The following LRRC37A2 variants were observed in gnomAD, a reference collection of about 807,000 sequenced individuals.
LRRC37A2 encodes leucine rich repeat containing 37 member A2.
A neutral mutation model predicts 68.8 loss-of-function variants in LRRC37A2; 9 were observed. The observed-to-expected ratio is 0.13, with a 90% CI of 0.08 to 0.23. The LOEUF (loss-of-function observed/expected upper bound fraction) is 0.23, where lower values mean the gene tolerates loss of function less well. LRRC37A2 is among the 10% of genes least tolerant of loss of function. The pLI, the probability that LRRC37A2 is intolerant of heterozygous loss-of-function variation, is 1.00. For synonymous variants in LRRC37A2, 63 were observed against 367.6 expected (o/e 0.17, Z 9.48); for missense variants, 168 against 950.4 (o/e 0.18, Z 10.82).
the LRRC37A2 span, chr17:46,773,737 G>A: frequency 1.9e-5 from 30 of 1,601,696 alleles, no homozygotes; most frequent in Non-Finnish European, 7.7e-6. Flanking sequence ...CGGCGGCCCC[G>A]GAACTGGTGC....
At chr17:46,865,420 G>T in the LRRC37A2 span, among the ~76,000 whole-genome samples, 1 of 152,130 alleles carries the variant, frequency 6.6e-6, no homozygotes, top group Non-Finnish European at 1.5e-5. Flanking sequence ...GATGGGTGGG[G>T]GACGAGGCTG....
At chr17:46,941,980 A>T in the LRRC37A2 span, 1 of 983,736 alleles carries the variant, frequency 1.0e-6, no homozygotes, top group Non-Finnish European at 1.2e-6. Flanking sequence ...AAAGAGCAAA[A>T]CTTGTTAAGT....
At chr17:46,981,275 A>G in the LRRC37A2 span, among the ~76,000 whole-genome samples, 1 of 96,890 alleles carries the variant, frequency 1.0e-5, no homozygotes, top group African/African-American at 4.6e-5. Context: ...CCCCAAGTTC[A>G]TCTGTTGAAA....
the LRRC37A2 span, among the ~76,000 whole-genome samples, chr17:46,461,463 T>C: frequency 0.019 from 1,961 of 100,706 alleles, 39 homozygotes; most frequent in East Asian, 0.13. Flanking sequence ...TGTGGTTACC[T>C]ATGGGGAAAG....
chr17:47,000,018 TA>T, the LRRC37A2 span, among the ~76,000 whole-genome samples: 46,946 of 74,006 alleles, frequency 0.63, 14,424 homozygotes, highest in South Asian at 0.75. Flanking sequence ...TAAAATAAAA[TA>T]AAATAAAATA....
chr17:46,808,513 C>T, the LRRC37A2 span, among the ~76,000 whole-genome samples: 80 of 152,294 alleles, frequency 5.3e-4, no homozygotes, highest in African/African-American at 1.9e-3. Context: ...GCTTTAGGTC[C>T]AACAGGGTGT....
the LRRC37A2 span, chr17:46,935,289 C>T: frequency 9.5e-6 from 15 of 1,580,650 alleles, no homozygotes; most frequent in African/African-American, 9.5e-5. Flanking sequence ...GATGACAAGA[C>T]AGAGCCCTTG....
At chr17:46,407,563 ACT>A in the LRRC37A2 span, among the ~76,000 whole-genome samples, 1 of 90,550 alleles carries the variant, frequency 1.1e-5, no homozygotes, top group Non-Finnish European at 2.5e-5. Context: ...ACACAGCGAG[ACT>A]CTGTCTCAAA....
At chr17:46,648,349 AT>A in the LRRC37A2 span, among the ~76,000 whole-genome samples, 1 of 125,630 alleles carries the variant, frequency 8.0e-6, no homozygotes, top group Non-Finnish European at 1.5e-5. Context: ...ATAAATTGTA[AT>A]TTTTTTAACC....
chr17:46,714,524 A>G, the LRRC37A2 span, among the ~76,000 whole-genome samples: 2 of 152,206 alleles, frequency 1.3e-5, no homozygotes, highest in South Asian at 2.1e-4. Flanking sequence ...CTTAATTAAC[A>G]TGGCCACTTT....
chr17:47,040,293 C>A, the LRRC37A2 span, among the ~76,000 whole-genome samples: 5 of 150,256 alleles, frequency 3.3e-5, no homozygotes, highest in South Asian at 4.2e-4. Flanking sequence ...ATAAAAAAAT[C>A]TTTGTCTAGT....
intron 11 of LRRC37A2, among the ~76,000 whole-genome samples, chr17:46,550,917 G>A (rs1186447379): frequency 6.7e-6 from 1 of 148,362 alleles, no homozygotes; most frequent in Non-Finnish European, 1.5e-5. Flanking sequence ...CCCTGGAGAG[G>A]AAGGAGAGAG....
chr17:46,940,647 C>T, the LRRC37A2 span: 2 of 1,613,758 alleles, frequency 1.2e-6, no homozygotes, highest in Admixed American at 3.3e-5. Context: ...AGGCAGAAGT[C>T]CCCGCACCCA....
chr17:46,796,727 G>C, the LRRC37A2 span, among the ~76,000 whole-genome samples: 1 of 152,208 alleles, frequency 6.6e-6, no homozygotes, highest in East Asian at 1.9e-4. Flanking sequence ...CAAGATGAGC[G>C]GTGCCTGATC....
the LRRC37A2 span, among the ~76,000 whole-genome samples, chr17:47,001,344 C>T: frequency 6.6e-6 from 1 of 152,096 alleles, no homozygotes; most frequent in Admixed American, 6.6e-5. Context: ...CACAGCACGC[C>T]GGCCTGAAAA....
At chr17:46,914,446 C>T in the LRRC37A2 span, among the ~76,000 whole-genome samples, 3 of 151,804 alleles carry the variant, frequency 2.0e-5, no homozygotes, top group East Asian at 3.9e-4. Context: ...GTCAGGAGTT[C>T]GAGACCAGCC....
chr17:46,850,450 C>T, the LRRC37A2 span, among the ~76,000 whole-genome samples: 29,884 of 152,070 alleles, frequency 0.2, 3,605 homozygotes, highest in East Asian at 0.5. Context: ...CCAACACCTC[C>T]CTCAACACCT....
chr17:46,752,754 C>A, the LRRC37A2 span, among the ~76,000 whole-genome samples: 1 of 151,956 alleles, frequency 6.6e-6, no homozygotes, highest in African/African-American at 2.4e-5. Context: ...CTATGCCTGG[C>A]CCTCGGTAAC....
chr17:46,984,804 G>A, the LRRC37A2 span, among the ~76,000 whole-genome samples: 97 of 152,318 alleles, frequency 6.4e-4, no homozygotes, highest in South Asian at 1.5e-3. Context: ...TTCTTTGTAT[G>A]AGCCATTTTA....
Sources: gnomAD v4.1 joint callset for allele counts (sites outside exome capture counted in the v4.1 genomes callset) on GRCh38, gnomAD v4.1.1 for gene constraint, MANE v1.5 for transcripts, NCBI Gene and HGNC (gene_info 2026-07-23, HGNC 2026-07-21) for gene names.